GPR137: variants seen among roughly 807,000 people sequenced by gnomAD.
The protein encoded by GPR137 is G protein-coupled receptor 137, also known as integral membrane protein GPR137.
A neutral mutation model predicts 38.9 loss-of-function variants in GPR137; 20 were observed. The ratio of observed to expected loss-of-function variants is 0.51; its 90% CI spans 0.36 to 0.75. GPR137 has a LOEUF of 0.75. GPR137 is among the 30% of genes least tolerant of loss of function. GPR137 has a pLI of 0.00. For missense variants in GPR137, 456 were observed against 526.4 expected, an observed-to-expected ratio of 0.87 and a Z score of 1.31; for synonymous variants, 226 against 235.8, an observed-to-expected ratio of 0.96 and a Z score of 0.38.
upstream of GPR137, chr11:64,285,498 T>G (rs1163018323): frequency 1.6e-5 from 16 of 984,576 alleles, no homozygotes; most frequent in Non-Finnish European, 1.8e-5. Context: ...GGGCGGAAGT[T>G]TTCTTCAGAG....
upstream of GPR137, among the ~76,000 whole-genome samples, chr11:64,273,855 C>CAAAAA (rs34577596): frequency 9.3e-4 from 51 of 54,724 alleles, 1 homozygote; most frequent in East Asian, 6.7e-3. Flanking sequence ...GCACCCATCT[C>CAAAAA]AAAAAAAAAA....
At chr11:64,280,549 C>T (rs1473035889), upstream of GPR137, among the ~76,000 whole-genome samples, 85 of 149,318 alleles carry the variant, frequency 5.7e-4, no homozygotes, top group African/African-American at 2.1e-3. Flanking sequence ...GACGGGGTTT[C>T]ACCGTGTTAG....
At position 64,287,924 on chromosome 11, in the gene GPR137, C is replaced by G; in HGVS notation, c.611C>G (p.Thr204Ser). The change falls in exon 3 of 7, where the codon ACT becomes AGT. Residue 204 changes from threonine (T) to serine (S), a missense_variant. By Grantham distance (58) the Thr-to-Ser change is moderately conservative. Transcript: ENST00000438980. ...LCLVARRAPS[T>S]SIYLEAKGTS... ...CTCGTCGCCAGGCGGGCGCCCTCCACTAGCATCTACCTGGAGGCCAAGGTA... is the reference window on the plus strand; with the variant it reads ...CTCGTCGCCAGGCGGGCGCCCTCCAGTAGCATCTACCTGGAGGCCAAGGTA... 1 of 1,601,806 alleles carries G rather than the reference C, an allele frequency of 6.2e-7. No individual in the cohort carries two copies.
chr11:64,271,599 G>A, upstream of GPR137: 1 of 1,422,722 alleles, frequency 7.0e-7, no homozygotes, highest in Non-Finnish European at 9.2e-7. Flanking sequence ...GGCACGCTGG[G>A]GACTGGCGCT....
At chr11:64,273,537 C>T (rs895675428), upstream of GPR137, among the ~76,000 whole-genome samples, 2 of 152,020 alleles carry the variant, frequency 1.3e-5, no homozygotes, top group African/African-American at 4.8e-5. Flanking sequence ...CCGATAAAGA[C>T]TTAGAACCAC....
chr11:64,285,757 C>G (rs536899832), upstream of GPR137: 528 of 985,266 alleles, frequency 5.4e-4, no homozygotes, highest in Non-Finnish European at 6.1e-4. Flanking sequence ...GGTTTCACGC[C>G]GGGTGCGGCG....
At chr11:64,273,745 G>A (rs931404299), upstream of GPR137, among the ~76,000 whole-genome samples, 9 of 151,504 alleles carry the variant, frequency 5.9e-5, no homozygotes, top group South Asian at 2.1e-4. Flanking sequence ...AGCCAGGCGC[G>A]GTGGCAGGCA....
chr11:64,289,000 T>C lies in GPR137; in HGVS notation c.1032-37T>C. 6.7e-7 allele frequency: 1 copy of C among 1,488,682 alleles called. No individual in the cohort carries two copies. The highest frequency in any genetic ancestry group is 8.9e-7 in the Non-Finnish European group (1 of 1,120,356). The allele number at this position is 1,488,682 out of a possible 1,614,324, so 92.2% of individuals were successfully genotyped here. A position where few individuals can be genotyped will look rare whatever the true frequency, so the allele number is the denominator to read the frequency against. On this transcript the variant is annotated intron_variant, in intron 6 of 6. Transcript: ENST00000438980. The surrounding 1 kb of genome is among the most constrained non-coding windows in gnomAD (Gnocchi z 5.5). Reference sequence around the variant, plus strand: ...GCAGCTCTTGTGACTGTGGCCCTGGTCACTGTCCTGAGACTGACCCTGTTT... The same window carrying C: ...GCAGCTCTTGTGACTGTGGCCCTGGCCACTGTCCTGAGACTGACCCTGTTT...
In GPR137 at chr11:64,288,248, G is replaced by A; in HGVS notation, c.783+34G>A. 6.2e-7 allele frequency: 1 copy of A among 1,610,192 alleles called. No homozygotes were observed. Among genetic ancestry groups the A allele is most frequent in the Non-Finnish European group, 8.5e-7 (1 of 1,177,882 alleles). ...ACGCATGTCTGCCACCTCCTTAGTAGCCGTGGCACCTTGGCCCCAGCTGGC... is the reference window on the plus strand; with the variant it reads ...ACGCATGTCTGCCACCTCCTTAGTAACCGTGGCACCTTGGCCCCAGCTGGC... On this transcript the variant is annotated intron_variant, in intron 4 of 6. Coordinates refer to ENST00000438980, the MANE Select transcript of GPR137 (RefSeq NM_001170880.2). This position sits in a 1 kb window ranked among gnomAD's most constrained non-coding sequence, Gnocchi z 5.5.
chr11:64,289,201 C>T lies in GPR137; in HGVS notation c.*5C>T, dbSNP rs757339612. On this transcript the variant is annotated 3_prime_UTR_variant, in exon 7 of 7. Transcript: ENST00000438980. Reference sequence around the variant, plus strand: ...TACTCCACCCCACAGACGTGATCCCCCTCCCTCCCCCACAGAATACCCAGG... The same window carrying T: ...TACTCCACCCCACAGACGTGATCCCTCTCCCTCCCCCACAGAATACCCAGG... 19 of 1,611,616 alleles carry T rather than the reference C, an allele frequency of 1.2e-5. No individual in the cohort carries two copies. The highest frequency in any genetic ancestry group is 1.4e-5 in the Non-Finnish European group (16 of 1,177,994).
At chr11:64,271,714 A>G (rs902202934), upstream of GPR137, 17 of 1,472,494 alleles carry the variant, frequency 1.2e-5, no homozygotes, top group Non-Finnish European at 1.4e-5. Flanking sequence ...CGGCCCCGAA[A>G]GGGGCTGGGC....
At chr11:64,284,155 G>C, upstream of GPR137, 6 of 1,544,488 alleles carry the variant, frequency 3.9e-6, no homozygotes, top group Non-Finnish European at 5.2e-6. Context: ...GAGGTGTCCC[G>C]GCAGGTGGAG....
chr11:64,273,201 C>T (rs995823164), upstream of GPR137, among the ~76,000 whole-genome samples: 27 of 151,998 alleles, frequency 1.8e-4, no homozygotes, highest in African/African-American at 5.8e-4. Context: ...GGTGAAACTC[C>T]GTCTCTACTA....
chr11:64,284,673 C>G, upstream of GPR137: 1 of 1,535,406 alleles, frequency 6.5e-7, no homozygotes, highest in Middle Eastern at 1.7e-4. Flanking sequence ...CCTGCCGCCT[C>G]CCTCCAGCAC....
upstream of GPR137, among the ~76,000 whole-genome samples, chr11:64,283,563 C>G (rs2033626203): frequency 6.6e-6 from 1 of 152,240 alleles, no homozygotes; most frequent in Admixed American, 6.5e-5. Flanking sequence ...TGTGCCAGGA[C>G]AGTCCTGCTG....
upstream of GPR137, among the ~76,000 whole-genome samples, chr11:64,275,486 T>C (rs1461526759): frequency 6.6e-6 from 1 of 151,988 alleles, no homozygotes; most frequent in East Asian, 1.9e-4. Context: ...TCTGCCAGGA[T>C]CGCCATGACA....
Position 64,288,084 on chromosome 11 carries a change from C to T in GPR137, c.653C>T (p.Ala218Val), listed in dbSNP as rs779511879. ...TGCCAGGGGACCAGTGTGTGCCAGGCGGCCGCGATGGGTGGCGCCATGGTC... is the reference window on the plus strand; with the variant it reads ...TGCCAGGGGACCAGTGTGTGCCAGGTGGCCGCGATGGGTGGCGCCATGGTC... ...LEAKGTSVCQ[A>V]AAMGGAMVLL... The change falls in exon 4 of 7, where the codon GCG becomes GTG. Residue 218 changes from alanine to valine, a missense_variant. Transcript: ENST00000438980. This position sits in a 1 kb window ranked among gnomAD's most constrained non-coding sequence, Gnocchi z 5.5. The T allele has an allele frequency of 2.8e-5, 45 of 1,611,078 alleles. No homozygotes were observed. Among genetic ancestry groups the T allele is most frequent in the Non-Finnish European group, 3.7e-5 (44 of 1,179,938 alleles).
In GPR137 at chr11:64,287,715, C is replaced by T; in HGVS notation, c.408-6C>T. The stretch of plus-strand genomic sequence containing the variant: ...AGGGCCCGCGCTGACTGTGCTGTGG[C>T]TGCAGGCTCGCTGTCCGAGGGGCCT... On this transcript the variant is annotated splice_region_variant and splice_polypyrimidine_tract_variant and intron_variant, in intron 2 of 6. Coordinates refer to ENST00000438980, the MANE Select transcript of GPR137 (RefSeq NM_001170880.2). 2 of 1,603,282 alleles carry T rather than the reference C, an allele frequency of 1.2e-6. No homozygotes were observed. The highest frequency in any genetic ancestry group is 1.1e-5 in the South Asian group (1 of 91,050).
At chr11:64,277,810 C>T (rs2033171007) in intron 2 of GPR137, among the ~76,000 whole-genome samples, 1 of 152,140 alleles carries the variant, frequency 6.6e-6, no homozygotes, top group African/African-American at 2.4e-5. Context: ...TTCAGTGGGC[C>T]ACGTGGTCTC....
Sources: gnomAD v4.1 joint callset for allele counts (sites outside exome capture counted in the v4.1 genomes callset) on GRCh38, gnomAD v4.1.1 for gene constraint, Gnocchi (gnomAD v3.1) non-coding constraint, MANE v1.5 for transcripts, NCBI Gene and HGNC (gene_info 2026-07-23, HGNC 2026-07-21) for gene names.